The following PCDHGA6 variants were observed in gnomAD, a reference collection of about 807,000 sequenced individuals.
PCDHGA6 encodes the protein protocadherin gamma subfamily A, 6.
Under a neutral mutation model 60.6 loss-of-function variants are expected in PCDHGA6, and 41 were observed. That is an observed-to-expected ratio of 0.68 (90% CI 0.53 to 0.88). PCDHGA6 has a LOEUF of 0.88. Ranked by LOEUF, PCDHGA6 falls within the 40% of genes least tolerant of loss-of-function variation. PCDHGA6 has a pLI of 0.00. For synonymous variants in PCDHGA6, 594 were observed against 524.4 expected (o/e 1.13, Z -1.81); for missense variants, 1,312 against 1,203.0 (o/e 1.09, Z -1.34).
At chr5:141,478,862 C>T (rs1057119202) in intron 1 of PCDHGA6, 23 of 1,325,916 alleles carry the variant, frequency 1.7e-5, no homozygotes, top group Non-Finnish European at 2.2e-5. Flanking sequence ...AAGATCTCAG[C>T]GATCAGAGTT....
chr5:141,491,763 T>C lies in PCDHGA6; in HGVS notation c.2425-3044T>C. 1 of 1,570,222 alleles carries C rather than the reference T, an allele frequency of 6.4e-7. No homozygotes were observed. Among genetic ancestry groups the C allele is most frequent in the Non-Finnish European group, 8.6e-7 (1 of 1,159,286 alleles). Reference sequence around the variant, plus strand: ...GCGGCACTGGAGAAGCCGCCCGTCCTCATAAGGGATTGAACTTGCATCCAC... The same window carrying C: ...GCGGCACTGGAGAAGCCGCCCGTCCCCATAAGGGATTGAACTTGCATCCAC... On this transcript the variant is annotated intron_variant, in intron 1 of 3. Coordinates refer to ENST00000517434, the MANE Select transcript of PCDHGA6 (RefSeq NM_018919.3). The surrounding 1 kb of genome is among the most constrained non-coding windows in gnomAD (Gnocchi z 6.9).
At chr5:141,380,843 G>T (rs1262602096) in intron 1 of PCDHGA6, among the ~76,000 whole-genome samples, 2 of 152,142 alleles carry the variant, frequency 1.3e-5, no homozygotes, top group African/African-American at 4.8e-5. Flanking sequence ...AGGTAAAAAT[G>T]GATCAAGACA....
In PCDHGA6 at chr5:141,501,176, T is replaced by C. The variant is rs917315609; in HGVS notation, c.2484-4217T>C. ...GCCACCATCCCCAGCCTCATTTACA[T>C]TTTAACACAATTAAATTCAGGGTGT... On this transcript the variant is annotated intron_variant, in intron 2 of 3. Coordinates refer to ENST00000517434, the MANE Select transcript of PCDHGA6 (RefSeq NM_018919.3). Among the ~76,000 whole-genome samples, 16 of 152,244 alleles carry C rather than the reference T, an allele frequency of 1.1e-4. No homozygotes were observed. In the South Asian group the frequency reaches 3.3e-3, roughly 32 times the overall value.
chr5:141,399,660 C>T (rs988885728), intron 1 of PCDHGA6: 2 of 1,613,654 alleles, frequency 1.2e-6, no homozygotes, highest in East Asian at 2.2e-5. Context: ...GGGTGGTGTT[C>T]GCGCAGCGCG....
intron 1 of PCDHGA6, among the ~76,000 whole-genome samples, chr5:141,472,213 C>T (rs1294676431): frequency 2.0e-5 from 3 of 152,178 alleles, no homozygotes; most frequent in African/African-American, 7.2e-5. Flanking sequence ...TAAGACCTTA[C>T]TCTCGATCAT....
At chr5:141,448,580 TTACAAAAAGATAAAA>T (rs1484851220) in intron 1 of PCDHGA6, among the ~76,000 whole-genome samples, 1 of 152,180 alleles carries the variant, frequency 6.6e-6, no homozygotes, top group Non-Finnish European at 1.5e-5. Context: ...CCCATTTTTT[TTACAAAAAGATAAAA>T]TACTATACAC....
At chr5:141,408,115 C>T (rs2095044760) in intron 1 of PCDHGA6, 1 of 1,461,312 alleles carries the variant, frequency 6.8e-7, no homozygotes, top group Non-Finnish European at 9.1e-7. Context: ...GGGACTCCTC[C>T]TGTCCTGGGC....
At position 141,476,453 on chromosome 5, in the gene PCDHGA6, G is replaced by A. The variant is rs1432113874; in HGVS notation, c.2425-18354G>A. 3 of 1,614,138 alleles carry A rather than the reference G, an allele frequency of 1.9e-6. No individual in the cohort carries two copies. The East Asian group carries it at 6.7e-5, about 36-fold the overall frequency. ...CACTGTAACTCTGGAGTTGGTAGTG[G>A]AGAACCCGCTGGAGCTGTTCAGCGT... On this transcript the variant is annotated intron_variant, in intron 1 of 3. Transcript: ENST00000517434. The surrounding 1 kb of genome is among the most constrained non-coding windows in gnomAD (Gnocchi z 7.6).
intron 1 of PCDHGA6, among the ~76,000 whole-genome samples, chr5:141,453,176 C>T (rs1225418058): frequency 6.6e-6 from 1 of 152,042 alleles, no homozygotes; most frequent in Non-Finnish European, 1.5e-5. Flanking sequence ...TCCAGTGGTA[C>T]AATCACAGCT....
chr5:141,399,059 A>T (rs769553635), intron 1 of PCDHGA6: 8 of 1,613,882 alleles, frequency 5.0e-6, no homozygotes, highest in Non-Finnish European at 6.8e-6. Context: ...ACCAAGGAAT[A>T]TTCAATGGTT....
chr5:141,410,502 T>C, intron 1 of PCDHGA6: 2 of 1,614,018 alleles, frequency 1.2e-6, no homozygotes, highest in Non-Finnish European at 1.7e-6. Context: ...TTTAATTTCC[T>C]AAAATGCAGT....
intron 1 of PCDHGA6, among the ~76,000 whole-genome samples, chr5:141,494,547 C>T (rs2099755185): frequency 6.6e-6 from 1 of 152,106 alleles, no homozygotes; most frequent in East Asian, 1.9e-4. Context: ...GAGGAAGGGG[C>T]CATTTCTTTA....
intron 1 of PCDHGA6, chr5:141,408,762 A>G (rs369793035): frequency 1.9e-5 from 30 of 1,610,942 alleles, no homozygotes; most frequent in Non-Finnish European, 2.3e-5. Flanking sequence ...GTTAATTCCG[A>G]TGGTGGCAAA....
chr5:141,475,935 C>CCCGT, intron 1 of PCDHGA6: 1 of 669,050 alleles, frequency 1.5e-6, no homozygotes, highest in Middle Eastern at 4.2e-4. Flanking sequence ...CGGGCCCCTG[C>CCCGT]CCGTCCCCTT....
chr5:141,423,415 G>GA (rs750028507), intron 1 of PCDHGA6: 3 of 1,614,134 alleles, frequency 1.9e-6, no homozygotes, highest in Non-Finnish European at 2.5e-6. Context: ...GCAGGCTTCT[G>GA]AAGGCGGGTT....
chr5:141,403,302 A>G (rs1195717654), intron 1 of PCDHGA6: 1 of 1,613,904 alleles, frequency 6.2e-7, no homozygotes, highest in East Asian at 2.2e-5. Flanking sequence ...GTGAAACTGT[A>G]CGGAATAGAA....
At chr5:141,418,348 T>C in intron 1 of PCDHGA6, 4 of 1,613,982 alleles carry the variant, frequency 2.5e-6, no homozygotes, top group Non-Finnish European at 3.4e-6. Context: ...CTGATATTAG[T>C]ATGAATTCGC....
chr5:141,403,049 T>A, intron 1 of PCDHGA6: 1 of 1,614,056 alleles, frequency 6.2e-7, no homozygotes, highest in Non-Finnish European at 8.5e-7. Context: ...TCAGATTCGC[T>A]ACTCAGTGCC....
At chr5:141,404,126 T>G in intron 1 of PCDHGA6, 1 of 1,613,316 alleles carries the variant, frequency 6.2e-7, no homozygotes, top group Non-Finnish European at 8.5e-7. Context: ...GAATCTATCT[T>G]TTACATTAGA....
Sources: allele counts gnomAD v4.1 joint callset (sites outside exome capture counted in the v4.1 genomes callset), GRCh38; gene constraint gnomAD v4.1.1; non-coding constraint Gnocchi (gnomAD v3.1); transcripts MANE v1.5; gene names NCBI Gene and HGNC (gene_info 2026-07-23, HGNC 2026-07-21).